Variants in RBFOX1 observed in about 807,000 individuals in gnomAD.
RBFOX1 encodes RNA binding protein fox-1 homolog 1.
In RBFOX1, 8 loss-of-function variants were observed where a neutral mutation model predicts 57.7. The observed-to-expected ratio is 0.14, with a 90% CI of 0.08 to 0.25. The LOEUF (loss-of-function observed/expected upper bound fraction) is 0.25, where lower values mean the gene tolerates loss of function less well. Among genes scored for constraint, RBFOX1 ranks in the 10% least tolerant of loss-of-function variants. The pLI is 1.00. For missense variants in RBFOX1, 611 were observed against 548.5 expected (o/e 1.11, Z -1.14); for synonymous variants, 326 against 222.4 (o/e 1.47, Z -4.15).
intron 4 of RBFOX1, among the ~76,000 whole-genome samples, chr16:6,005,845 A>G (rs912624573): frequency 6.6e-6 from 1 of 151,350 alleles, no homozygotes; most frequent in Admixed American, 6.5e-5. Flanking sequence ...AGTCAGGTAT[A>G]TGGCTCAATA....
chr16:7,698,793 G>A (rs909053835), intron 14 of RBFOX1, among the ~76,000 whole-genome samples: 1 of 152,118 alleles, frequency 6.6e-6, no homozygotes, highest in Non-Finnish European at 1.5e-5. Context: ...AAGGAACTTA[G>A]GAAACATACT....
intron 1 of RBFOX1, among the ~76,000 whole-genome samples, chr16:6,131,987 G>A (rs1368049994): frequency 1.3e-5 from 2 of 152,190 alleles, no homozygotes; most frequent in Non-Finnish European, 2.9e-5. Context: ...GTGATGATTT[G>A]AGCTTGCTCT....
intron 2 of RBFOX1, among the ~76,000 whole-genome samples, chr16:6,542,080 C>A (rs1445613285): frequency 2.0e-5 from 3 of 151,996 alleles, no homozygotes; most frequent in African/African-American, 7.3e-5. Context: ...AGGTGTGCAC[C>A]ATCACACAGA....
At chr16:5,766,045 C>T (rs1358930026) in intron 3 of RBFOX1, among the ~76,000 whole-genome samples, 2 of 152,164 alleles carry the variant, frequency 1.3e-5, no homozygotes, top group South Asian at 2.1e-4. Context: ...TGGTAGTGTG[C>T]ACGTCATGGA....
chr16:5,833,912 TA>T (rs555057140), intron 3 of RBFOX1, among the ~76,000 whole-genome samples: 114 of 152,306 alleles, frequency 7.5e-4, no homozygotes, highest in Admixed American at 7.4e-3. Context: ...CTCTCCATAC[TA>T]GGGTGGAAGA....
rs57923211 is a variant in RBFOX1 at position 5,410,047 on chromosome 16, C to CA, written c.220-57150dup. On this transcript the variant is annotated intron_variant, in intron 1 of 2. Coordinates refer to the RBFOX1 transcript ENST00000585867. ...TGGGTGACAGAGCAAGACTCCATCT[C>CA]AAAAAAAAAAAAAAAAAAATAATAA... Among the ~76,000 whole-genome samples the CA allele has an allele frequency of 6.6e-3, 761 of 114,826 alleles. 2 individuals are homozygous for CA. Among genetic ancestry groups the CA allele is most frequent in the African/African-American group, 0.012 (377 of 32,002 alleles). The allele number at this position is 114,826 out of a possible 152,430, so 75.3% of individuals were successfully genotyped here. A position where few individuals can be genotyped will look rare whatever the true frequency, so the allele number is the denominator to read the frequency against.
intron 1 of RBFOX1, among the ~76,000 whole-genome samples, chr16:6,148,479 G>A (rs892539489): frequency 1.1e-4 from 17 of 152,164 alleles, no homozygotes; most frequent in Non-Finnish European, 1.9e-4. Context: ...CCAGCTACTG[G>A]CATGGATGGC....
intron 3 of RBFOX1, among the ~76,000 whole-genome samples, chr16:5,854,485 C>T (rs1041287480): frequency 1.3e-5 from 2 of 152,124 alleles, no homozygotes; most frequent in East Asian, 1.9e-4. Context: ...CTCCAGCTTC[C>T]TCCATGTTGT....
chr16:6,260,507 C>G (rs1280518009), intron 1 of RBFOX1, among the ~76,000 whole-genome samples: 1 of 152,060 alleles, frequency 6.6e-6, no homozygotes, highest in East Asian at 1.9e-4. Context: ...GAAATCAGCC[C>G]ATAGGTTTTA....
At chr16:6,891,771 C>T (rs747844278) in intron 3 of RBFOX1, among the ~76,000 whole-genome samples, 3 of 152,204 alleles carry the variant, frequency 2.0e-5, no homozygotes, top group Non-Finnish European at 2.9e-5. Flanking sequence ...TCCAATGTCT[C>T]ATCAAATTCC....
chr16:5,598,573 G>A (rs1042754002), intron 2 of RBFOX1, among the ~76,000 whole-genome samples: 6 of 151,450 alleles, frequency 4.0e-5, no homozygotes, highest in Non-Finnish European at 7.4e-5. Flanking sequence ...ACATGTAATC[G>A]ATATAAAAAT....
intron 1 of RBFOX1, among the ~76,000 whole-genome samples, chr16:5,435,526 C>T (rs2067890048): frequency 6.6e-6 from 1 of 152,208 alleles, no homozygotes; most frequent in South Asian, 2.1e-4. Context: ...TCAGTGTCTT[C>T]AGTAAACATC....
At chr16:7,434,257 T>C (rs2098704765) in intron 4 of RBFOX1, among the ~76,000 whole-genome samples, 1 of 151,924 alleles carries the variant, frequency 6.6e-6, no homozygotes, top group African/African-American at 2.4e-5. Context: ...AGATCACGAC[T>C]TCAGAAGATC....
At chr16:7,414,656 C>T (rs1243011522) in intron 4 of RBFOX1, among the ~76,000 whole-genome samples, 3 of 152,128 alleles carry the variant, frequency 2.0e-5, no homozygotes, top group Non-Finnish European at 2.9e-5. Flanking sequence ...CTCACTCTGT[C>T]ACCCAGGCTG....
At chr16:7,003,353 A>C (rs2093005330) in intron 3 of RBFOX1, among the ~76,000 whole-genome samples, 1 of 152,014 alleles carries the variant, frequency 6.6e-6, no homozygotes, top group Non-Finnish European at 1.5e-5. Flanking sequence ...CCAGCTACTC[A>C]GGAGGCTGAG....
chr16:6,186,160 C>T (rs907925544), intron 1 of RBFOX1, among the ~76,000 whole-genome samples: 4 of 152,136 alleles, frequency 2.6e-5, no homozygotes, highest in African/African-American at 7.2e-5. Context: ...CAAAACAATG[C>T]CAAAAAAATC....
intron 2 of RBFOX1, among the ~76,000 whole-genome samples, chr16:6,634,641 C>G (rs2098416398): frequency 7.6e-6 from 1 of 130,904 alleles, no homozygotes; most frequent in South Asian, 2.5e-4. Context: ...ATGGAAATTA[C>G]ATTATATAAT....
chr16:5,589,861 G>A (rs773778190), intron 2 of RBFOX1, among the ~76,000 whole-genome samples: 1 of 152,218 alleles, frequency 6.6e-6, no homozygotes, highest in South Asian at 2.1e-4. Flanking sequence ...CACTGCCTTG[G>A]CCTGCAGAGG....
chr16:7,252,376 G>A (rs72769214), intron 4 of RBFOX1, among the ~76,000 whole-genome samples: 2 of 152,324 alleles, frequency 1.3e-5, no homozygotes, highest in South Asian at 4.1e-4. Flanking sequence ...ACAAGTAAAG[G>A]TTACACATCT....
Sources: gnomAD v4.1 joint callset for allele counts (sites outside exome capture counted in the v4.1 genomes callset) on GRCh38, gnomAD v4.1.1 for gene constraint, MANE v1.5 for transcripts, NCBI Gene and HGNC (gene_info 2026-07-23, HGNC 2026-07-21) for gene names.